Variants in FHIT observed in about 807,000 individuals in gnomAD.
FHIT encodes the protein fragile histidine triad diadenosine triphosphatase.
Under a neutral mutation model 17.9 loss-of-function variants are expected in FHIT, and 19 were observed. The observed-to-expected ratio is 1.06, with a 90% CI of 0.74 to 1.56. FHIT has a LOEUF of 1.56. Among genes scored for constraint, FHIT ranks in the 40% most tolerant of loss-of-function variants. FHIT has a pLI of 0.00. For synonymous variants in FHIT, 81 were observed against 69.7 expected (o/e 1.16, Z -0.81); for missense variants, 248 against 189.2 (o/e 1.31, Z -1.82).
intron 2 of FHIT, among the ~76,000 whole-genome samples, chr3:61,078,933 T>A (rs2035049217): frequency 6.6e-6 from 1 of 152,168 alleles, no homozygotes; most frequent in Non-Finnish European, 1.5e-5. Context: ...GAATACAATT[T>A]AAAGAACATT....
chr3:60,255,219 G>C (rs763642971), intron 5 of FHIT, among the ~76,000 whole-genome samples: 18 of 152,084 alleles, frequency 1.2e-4, no homozygotes, highest in Non-Finnish European at 1.9e-4. Flanking sequence ...TTTTCTCACT[G>C]AGGTGTAAAC....
chr3:61,011,761 G>C (rs905943714), intron 3 of FHIT, among the ~76,000 whole-genome samples: 1 of 152,072 alleles, frequency 6.6e-6, no homozygotes, highest in African/African-American at 2.4e-5. Flanking sequence ...TGAGAAAAAA[G>C]TCCCATGAGA....
intron 5 of FHIT, among the ~76,000 whole-genome samples, chr3:60,302,160 TTA>T (rs1378416837): frequency 6.6e-6 from 1 of 152,286 alleles, no homozygotes; most frequent in East Asian, 1.9e-4. Flanking sequence ...GATGCTGTTT[TTA>T]TGTTTTCCTT....
At chr3:60,573,766 C>T (rs1441283204) in intron 4 of FHIT, among the ~76,000 whole-genome samples, 1 of 151,942 alleles carries the variant, frequency 6.6e-6, no homozygotes, top group Non-Finnish European at 1.5e-5. Flanking sequence ...AAAGAGTCTG[C>T]TATTGGTGAT....
At chr3:59,984,395 G>GT (rs138373635) in intron 7 of FHIT, among the ~76,000 whole-genome samples, 43 of 129,848 alleles carry the variant, frequency 3.3e-4, no homozygotes, top group Non-Finnish European at 6.1e-4. Context: ...CAAATCCACT[G>GT]GGGGGGGCTC....
intron 5 of FHIT, among the ~76,000 whole-genome samples, chr3:60,386,076 C>G (rs1039514837): frequency 6.6e-6 from 1 of 152,134 alleles, no homozygotes; most frequent in Non-Finnish European, 1.5e-5. Context: ...AAGCATAAGG[C>G]AAGTAAGTAA....
At chr3:60,598,873 TCA>T (rs2038353349) in intron 4 of FHIT, among the ~76,000 whole-genome samples, 1 of 152,166 alleles carries the variant, frequency 6.6e-6, no homozygotes, top group South Asian at 2.1e-4. Context: ...AACATACTGT[TCA>T]CATTTTGAGA....
At chr3:60,983,614 C>G (rs923240474) in intron 3 of FHIT, among the ~76,000 whole-genome samples, 2 of 152,182 alleles carry the variant, frequency 1.3e-5, no homozygotes, top group African/African-American at 4.8e-5. Context: ...ACAATGTCAG[C>G]AGCATTAGTG....
chr3:60,597,152 G>C (rs972488555), intron 4 of FHIT, among the ~76,000 whole-genome samples: 2 of 152,006 alleles, frequency 1.3e-5, no homozygotes, highest in African/African-American at 4.8e-5. Context: ...ATAATGGTTG[G>C]GGGAGGAGAA....
intron 5 of FHIT, among the ~76,000 whole-genome samples, chr3:60,186,441 T>A (rs1454767405): frequency 6.6e-6 from 1 of 152,206 alleles, no homozygotes; most frequent in East Asian, 1.9e-4. Context: ...TGTGAGTTAG[T>A]CAACTGTTTT....
intron 5 of FHIT, among the ~76,000 whole-genome samples, chr3:60,231,602 T>C (rs9831415): frequency 0.18 from 28,012 of 152,216 alleles, 2,638 homozygotes; most frequent in East Asian, 0.24. Context: ...AAGGCAGCCA[T>C]TTAATGCTTT....
chr3:60,344,281 T>G (rs1279321376), intron 5 of FHIT, among the ~76,000 whole-genome samples: 2 of 152,204 alleles, frequency 1.3e-5, no homozygotes, highest in Non-Finnish European at 2.9e-5. Context: ...TTGCTGTTTT[T>G]GTTTGATGAC....
chr3:60,972,455 CT>C (rs1321235178), intron 3 of FHIT, among the ~76,000 whole-genome samples: 1 of 151,638 alleles, frequency 6.6e-6, no homozygotes, highest in African/African-American at 2.4e-5. Flanking sequence ...ATTGGTGTGC[CT>C]TTGAAAATAT....
At chr3:61,115,891 A>G (rs560270612) in intron 2 of FHIT, among the ~76,000 whole-genome samples, 22 of 152,292 alleles carry the variant, frequency 1.4e-4, no homozygotes, top group African/African-American at 5.1e-4. Flanking sequence ...TCCACAAGCC[A>G]GGACTGAGAC....
In FHIT at chr3:60,155,536, T is replaced by C. The variant is rs1576215928; in HGVS notation, c.104-141384A>G. Among the ~76,000 whole-genome samples, 7 of 152,284 alleles carry C rather than the reference T, an allele frequency of 4.6e-5. 1 individual carries two copies. Among genetic ancestry groups the C allele is most frequent in the Admixed American group, 4.6e-4 (7 of 15,292 alleles). ...CCTTTGCAGAACTGCCCATCTCTCA[T>C]ATCCATGTGGGCCTGGTTGGGTGGT... On this transcript the variant is annotated intron_variant, in intron 5 of 9. Coordinates refer to ENST00000492590, the MANE Select transcript of FHIT (RefSeq NM_002012.4).
At chr3:60,204,658 T>A (rs1200819116) in intron 5 of FHIT, among the ~76,000 whole-genome samples, 3 of 152,010 alleles carry the variant, frequency 2.0e-5, no homozygotes, top group African/African-American at 7.2e-5. Context: ...TCAAATTTAA[T>A]AGAAGTCAGA....
intron 8 of FHIT, among the ~76,000 whole-genome samples, chr3:59,762,683 G>A (rs1701582911): frequency 6.6e-6 from 1 of 152,186 alleles, no homozygotes; most frequent in Admixed American, 6.5e-5. Flanking sequence ...AACTAACACT[G>A]CAAATAGGGA....
At chr3:60,158,368 A>G (rs1700797289) in intron 5 of FHIT, among the ~76,000 whole-genome samples, 1 of 151,840 alleles carries the variant, frequency 6.6e-6, no homozygotes, top group African/African-American at 2.4e-5. Context: ...CTGGAGTGCA[A>G]TGGCGCAATC....
At chr3:60,923,776 A>C (rs7646223) in intron 3 of FHIT, among the ~76,000 whole-genome samples, 22,955 of 152,132 alleles carry the variant, frequency 0.15, 2,287 homozygotes, top group Middle Eastern at 0.22. Flanking sequence ...CTCACCCGAG[A>C]AGCACAAGGG....
Sources: gnomAD v4.1 joint callset for allele counts (sites outside exome capture counted in the v4.1 genomes callset) on GRCh38, gnomAD v4.1.1 for gene constraint, MANE v1.5 for transcripts, NCBI Gene and HGNC (gene_info 2026-07-23, HGNC 2026-07-21) for gene names.